MALT1: variants seen among roughly 807,000 people sequenced by gnomAD.
MALT1 encodes the protein MALT1 paracaspase.
In MALT1, 36 loss-of-function variants were observed where a neutral mutation model predicts 85.5. The ratio of observed to expected loss-of-function variants is 0.42; its 90% CI spans 0.32 to 0.56. The LOEUF is 0.56. Among genes scored for constraint, MALT1 ranks in the 20% least tolerant of loss-of-function variants. MALT1 has a pLI of 0.10. For synonymous variants in MALT1, 359 were observed against 361.3 expected, an observed-to-expected ratio of 0.99 and a Z score of 0.07; for missense variants, 716 against 981.6, an observed-to-expected ratio of 0.73 and a Z score of 3.62.
chr18:58,706,725 C>G (rs1228758479), intron 4 of MALT1, among the ~76,000 whole-genome samples: 3 of 152,164 alleles, frequency 2.0e-5, no homozygotes, highest in African/African-American at 7.2e-5. Context: ...AGGATATTTT[C>G]GTCGTGTATA....
At chr18:58,690,830 A>G (rs1025933391) in intron 2 of MALT1, 1 of 234,430 alleles carries the variant, frequency 4.3e-6, no homozygotes, top group South Asian at 6.8e-5. Flanking sequence ...TGTTGATGAT[A>G]CAAGGAACCA....
At chr18:58,717,860 TAAGA>T (rs2054926247) in intron 9 of MALT1, among the ~76,000 whole-genome samples, 1 of 152,068 alleles carries the variant, frequency 6.6e-6, no homozygotes, top group African/African-American at 2.4e-5. Flanking sequence ...CCTCACTGAT[TAAGA>T]AATACCTATT....
chr18:58,708,107 A>G (rs2054782545), intron 4 of MALT1, among the ~76,000 whole-genome samples: 1 of 152,210 alleles, frequency 6.6e-6, no homozygotes, highest in Non-Finnish European at 1.5e-5. Context: ...AAGGCACTGC[A>G]TTCACTGAGG....
chr18:58,729,512 A>G (rs1020772041), intron 10 of MALT1, among the ~76,000 whole-genome samples: 2 of 151,794 alleles, frequency 1.3e-5, no homozygotes, highest in African/African-American at 2.4e-5. Context: ...AAAAGAAAAA[A>G]AAAATTATAG....
intron 4 of MALT1, among the ~76,000 whole-genome samples, chr18:58,702,243 G>A (rs893844265): frequency 1.2e-4 from 18 of 149,572 alleles, no homozygotes; most frequent in African/African-American, 3.9e-4. Context: ...AAAAAATGGG[G>A]CCTGATGGTG....
At chr18:58,743,268 C>G (rs1244713428) in intron 14 of MALT1, among the ~76,000 whole-genome samples, 2 of 152,090 alleles carry the variant, frequency 1.3e-5, no homozygotes, top group Non-Finnish European at 2.9e-5. Flanking sequence ...CCCAGCTACT[C>G]TGGAGGCTGA....
At chr18:58,710,846 C>A (rs1246352202) in intron 6 of MALT1, 75 bp from the exon 7 acceptor site, 1 of 906,814 alleles carries the variant, frequency 1.1e-6, no homozygotes, top group Admixed American at 2.2e-5. Context: ...TGATATTGAT[C>A]TCTATTTGCT....
intron 2 of MALT1, chr18:58,692,072 G>T (rs1045757954): frequency 6.6e-6 from 1 of 151,590 alleles, no homozygotes; most frequent in Non-Finnish European, 1.4e-5. Context: ...AAAAAAAGAG[G>T]GTGGTTGTGG....
In MALT1 at chr18:58,722,549, TTC is replaced by T. The variant is rs199667565; in HGVS notation, c.1019-489_1019-488del. Among the ~76,000 whole-genome samples the T allele has an allele frequency of 7.2e-3, 1,090 of 152,052 alleles. 15 individuals are homozygous for T. The highest frequency in any genetic ancestry group is 0.025 in the African/African-American group (1,040 of 41,394). On this transcript the variant is annotated intron_variant, in intron 9 of 16. Coordinates refer to ENST00000649217, the MANE Select transcript of MALT1 (RefSeq NM_006785.4). ...AACCAAGAATACAGTACCCGTGAAG[TTC>T]TCTCTCTCTTTGATATTTCCCCTCA...
intron 4 of MALT1, among the ~76,000 whole-genome samples, chr18:58,708,641 G>A (rs1259187778): frequency 2.0e-5 from 3 of 152,200 alleles, no homozygotes; most frequent in East Asian, 3.9e-4. Context: ...CCATGTGGGA[G>A]TGGAGCAGTC....
chr18:58,723,299 C>A, intron 10 of MALT1, 48 bp downstream of exon 10: 6 of 1,409,594 alleles, frequency 4.3e-6, no homozygotes, highest in South Asian at 3.7e-5. Flanking sequence ...TTATTCTTTT[C>A]ATTATACAAG....
intron 7 of MALT1, 102 bp downstream of exon 7, chr18:58,711,055 A>G: frequency 1.6e-6 from 1 of 637,906 alleles, no homozygotes. Flanking sequence ...TGGAAAAAAT[A>G]CTAGCTGTAA....
intron 4 of MALT1, among the ~76,000 whole-genome samples, chr18:58,704,167 T>C (rs1036610530): frequency 2.6e-5 from 4 of 152,222 alleles, no homozygotes; most frequent in Non-Finnish European, 5.9e-5. Context: ...TCTGGACATA[T>C]GTTTTATTTC....
At position 58,751,273 on chromosome 18, in the gene MALT1, C is replaced by T. The variant is rs1169783299; in HGVS notation, c.*3431C>T. The T allele has an allele frequency of 1.3e-5, 2 of 152,404 alleles. No individual in the cohort carries two copies. Among genetic ancestry groups the T allele is most frequent in the East Asian group, 1.9e-4 (1 of 5,192 alleles). 9.4% of individuals were successfully genotyped at this position (152,404 alleles called of 1,614,324 possible). On this transcript the variant is annotated 3_prime_UTR_variant, in exon 17 of 17. Coordinates refer to ENST00000649217, the MANE Select transcript of MALT1 (RefSeq NM_006785.4). The stretch of plus-strand genomic sequence containing the variant: ...ACCAGCTTGACCAAGATGGCAAAAC[C>T]CTGTCTCTATTAAAAATACAAAAAA...
chr18:58,747,357 A>G (rs2055382686), intron 16 of MALT1, 48 bp from the exon 17 acceptor site: 1 of 1,167,962 alleles, frequency 8.6e-7, no homozygotes, highest in African/African-American at 1.5e-5. Context: ...AGATTGATAT[A>G]TATTCACTGT....
chr18:58,671,614 C>A lies in MALT1; in HGVS notation c.-30C>A. The A allele has an allele frequency of 8.3e-7, 1 of 1,206,220 alleles. No homozygotes were observed. Among genetic ancestry groups the A allele is most frequent in the Non-Finnish European group, 1.0e-6 (1 of 970,208 alleles). The allele number at this position is 1,206,220 out of a possible 1,614,324, so 74.7% of individuals were successfully genotyped here. A position where few individuals can be genotyped will look rare whatever the true frequency, so the allele number is the denominator to read the frequency against. Reference sequence around the variant, plus strand: ...GGCCCGTGACGGGGCGGGCGGGAGCCCCGGCAGTCCGGGGTCGCCGGCGAG... The same window carrying A: ...GGCCCGTGACGGGGCGGGCGGGAGCACCGGCAGTCCGGGGTCGCCGGCGAG... On this transcript the variant is annotated 5_prime_UTR_variant, in exon 1 of 17. Transcript: ENST00000649217.
At chr18:58,675,928 C>A (rs1002256067) in intron 1 of MALT1, among the ~76,000 whole-genome samples, 13 of 152,202 alleles carry the variant, frequency 8.5e-5, no homozygotes, top group African/African-American at 3.1e-4. Flanking sequence ...AAACCTCTTT[C>A]TTTCAGTTTC....
In MALT1 at chr18:58,688,318, A is replaced by ACG. The variant is rs879405670; in HGVS notation, c.376+6983_376+6984insGC. Reference sequence around the variant, plus strand: ...ATATGTTACACACACACACACACACACACACACACGCTTATTAATAAAGTT... The same window carrying ACG: ...ATATGTTACACACACACACACACACACGCACACACACGCTTATTAATAAAGTT... On this transcript the variant is annotated intron_variant, in intron 2 of 16. Transcript: ENST00000649217. 4.8e-3 allele frequency among the ~76,000 whole-genome samples: 683 copies of ACG among 141,978 alleles called. 1 individual carries two copies. Among genetic ancestry groups the ACG allele is most frequent in the Middle Eastern group, 0.015 (4 of 262 alleles). 93.1% of individuals were successfully genotyped at this position (141,978 alleles called of 152,430 possible).
intron 2 of MALT1, chr18:58,690,765 T>C: frequency 4.9e-6 from 1 of 205,462 alleles, no homozygotes; most frequent in South Asian, 9.8e-5. Flanking sequence ...AAGCAGGCCC[T>C]CTGGCTTACC....
Sources: allele counts gnomAD v4.1 joint callset (sites outside exome capture counted in the v4.1 genomes callset), GRCh38; gene constraint gnomAD v4.1.1; transcripts MANE v1.5; gene names NCBI Gene and HGNC (gene_info 2026-07-23, HGNC 2026-07-21).